The following MND1 variants were observed in gnomAD, a reference collection of about 807,000 sequenced individuals.
MND1 encodes the protein meiotic nuclear division protein 1 homolog.
Under a neutral mutation model 35.1 loss-of-function variants are expected in MND1, and 28 were observed. The ratio of observed to expected loss-of-function variants is 0.80; its 90% confidence interval spans 0.59 to 1.09. The LOEUF (loss-of-function observed/expected upper bound fraction) is 1.09, where lower values mean the gene tolerates loss of function less well. Among genes scored for constraint, MND1 ranks in the 50% least tolerant of loss-of-function variants. The pLI, the probability that MND1 is intolerant of heterozygous loss-of-function variation, is 0.00. For synonymous variants in MND1, 69 were observed against 70.5 expected, an observed-to-expected ratio of 0.98 and a Z score of 0.11; for missense variants, 213 against 239.6, an observed-to-expected ratio of 0.89 and a Z score of 0.73.
At chr4:153,374,311 A>G (rs975490129) in intron 4 of MND1, among the ~76,000 whole-genome samples, 20 of 152,328 alleles carry the variant, frequency 1.3e-4, no homozygotes, top group African/African-American at 3.1e-4. Context: ...AAGGTAGTTC[A>G]TAAAAGTAGA....
intron 6 of MND1, among the ~76,000 whole-genome samples, chr4:153,404,174 CTTTTTTTTTTTTTTTT>C (rs71598277): frequency 4.1e-5 from 3 of 73,778 alleles, no homozygotes; most frequent in South Asian, 6.0e-4. Context: ...AAAATTGGTT[CTTTTTTTTTTTTTTTT>C]TTTTTTTTTT....
intron 4 of MND1, among the ~76,000 whole-genome samples, chr4:153,380,785 G>C (rs540677059): frequency 6.6e-6 from 1 of 152,078 alleles, no homozygotes; most frequent in Admixed American, 6.6e-5. Flanking sequence ...ATTGTGGGGG[G>C]AATAAGGTAA....
chr4:153,369,214 T>G (rs1773732413), intron 4 of MND1, among the ~76,000 whole-genome samples: 1 of 152,232 alleles, frequency 6.6e-6, no homozygotes, highest in African/African-American at 2.4e-5. Context: ...GCTCACAGTA[T>G]GGCAGCTGGC....
intron 1 of MND1, chr4:153,345,326 T>G: frequency 1.0e-6 from 1 of 985,462 alleles, no homozygotes; most frequent in South Asian, 4.7e-5. Context: ...TCGAGTTACC[T>G]AATGGATCTT....
Position 153,407,038 on chromosome 4 carries a change from A to T in MND1, c.467-1933A>T, listed in dbSNP as rs141429669. Among the ~76,000 whole-genome samples the T allele has an allele frequency of 4.6e-3, 699 of 152,320 alleles. 6 individuals are homozygous for T. Among genetic ancestry groups the T allele is most frequent in the African/African-American group, 0.016 (653 of 41,574 alleles). On this transcript the variant is annotated intron_variant, in intron 6 of 7. Transcript: ENST00000240488. ...CAGGGCAGGAAAGACCCGCCCTCATAATTCAATCACCTCCCACTGGGGTCC... is the reference window on the plus strand; with the variant it reads ...CAGGGCAGGAAAGACCCGCCCTCATTATTCAATCACCTCCCACTGGGGTCC...
chr4:153,348,061 T>G (rs1296370172), intron 1 of MND1, among the ~76,000 whole-genome samples: 1 of 151,796 alleles, frequency 6.6e-6, no homozygotes, highest in Non-Finnish European at 1.5e-5. Flanking sequence ...AGAGGGTGAG[T>G]CAAAGTGTGG....
At chr4:153,386,028 T>A (rs762064478) in intron 4 of MND1, among the ~76,000 whole-genome samples, 2 of 152,136 alleles carry the variant, frequency 1.3e-5, no homozygotes, top group Non-Finnish European at 2.9e-5. Flanking sequence ...TCACTGATTG[T>A]AGCAAATGTA....
At chr4:153,411,885 A>G (rs1008141095) in intron 7 of MND1, among the ~76,000 whole-genome samples, 2 of 152,190 alleles carry the variant, frequency 1.3e-5, no homozygotes, top group African/African-American at 4.8e-5. Flanking sequence ...TCTTATGTCA[A>G]CTTGAAGGCA....
intron 7 of MND1, among the ~76,000 whole-genome samples, chr4:153,414,169 C>T (rs1378022133): frequency 6.6e-6 from 1 of 152,182 alleles, no homozygotes; most frequent in Non-Finnish European, 1.5e-5. Flanking sequence ...GTAGAAGAGA[C>T]ACCATTAACC....
At chr4:153,393,506 G>A (rs977440020) in intron 4 of MND1, among the ~76,000 whole-genome samples, 2 of 151,884 alleles carry the variant, frequency 1.3e-5, no homozygotes, top group African/African-American at 4.8e-5. Flanking sequence ...AGCTTCCCGA[G>A]TAGCTGGGAC....
chr4:153,366,618 T>C (rs1478304562), intron 4 of MND1, among the ~76,000 whole-genome samples: 1 of 152,238 alleles, frequency 6.6e-6, no homozygotes, highest in African/African-American at 2.4e-5. Flanking sequence ...ACCCTGACTC[T>C]CAAGTTGTTC....
At chr4:153,409,910 G>T (rs1729633403) in intron 7 of MND1, among the ~76,000 whole-genome samples, 1 of 152,140 alleles carries the variant, frequency 6.6e-6, no homozygotes. Context: ...GGATTTTTAG[G>T]TTAAAAATAA....
At chr4:153,393,965 C>T (rs139917089) in intron 4 of MND1, among the ~76,000 whole-genome samples, 1,438 of 103,446 alleles carry the variant, frequency 0.014, 29 homozygotes, top group African/African-American at 0.053. Context: ...GGGTCTTGCT[C>T]TGTCGCCAGG....
chr4:153,403,207 G>A (rs1729390577), intron 6 of MND1, among the ~76,000 whole-genome samples: 1 of 152,060 alleles, frequency 6.6e-6, no homozygotes, highest in South Asian at 2.1e-4. Flanking sequence ...AAATATAGAA[G>A]GCCTACATGC....
At chr4:153,383,423 AG>A (rs1174912484) in intron 4 of MND1, among the ~76,000 whole-genome samples, 1 of 152,226 alleles carries the variant, frequency 6.6e-6, no homozygotes, top group East Asian at 1.9e-4. Flanking sequence ...AGAACCCAGA[AG>A]TGTGGCCTAA....
intron 1 of MND1, among the ~76,000 whole-genome samples, chr4:153,349,809 A>G (rs1024702443): frequency 2.6e-5 from 4 of 152,244 alleles, no homozygotes; most frequent in African/African-American, 9.6e-5. Context: ...ACAGTGGCTT[A>G]TCATTGGTTT....
intron 6 of MND1, among the ~76,000 whole-genome samples, chr4:153,400,471 T>G (rs1003929728): frequency 3.1e-4 from 47 of 152,176 alleles, no homozygotes; most frequent in Admixed American, 1.4e-3. Context: ...GAAGATAGCT[T>G]TAGGCTAGGA....
Position 153,375,606 on chromosome 4 carries a change from G to A in MND1, c.276+16984G>A, listed in dbSNP as rs1253397793. Among the ~76,000 whole-genome samples the A allele has an allele frequency of 2.6e-5, 4 of 152,098 alleles. No homozygotes were observed. The South Asian group carries it at 6.2e-4, about 24-fold the overall frequency. On this transcript the variant is annotated intron_variant, in intron 4 of 7. Coordinates refer to ENST00000240488, the MANE Select transcript of MND1 (RefSeq NM_032117.4). ...AAATCAAATGGAGGCCATAATATGG[G>A]GTGTTTTATGTTTGGTTGAATTTTG... is the stretch of plus-strand genomic sequence containing the variant.
At chr4:153,391,218 C>T (rs1561073172) in intron 4 of MND1, among the ~76,000 whole-genome samples, 2 of 151,702 alleles carry the variant, frequency 1.3e-5, no homozygotes, top group Admixed American at 6.6e-5. Context: ...GGCTGGAGCA[C>T]AGTGGTGCGG....
Sources: gnomAD v4.1 joint callset for allele counts (sites outside exome capture counted in the v4.1 genomes callset) on GRCh38, gnomAD v4.1.1 for gene constraint, MANE v1.5 for transcripts, NCBI Gene and HGNC (gene_info 2026-07-23, HGNC 2026-07-21) for gene names.